The following PDE10A variants were observed in gnomAD, a reference collection of about 807,000 sequenced individuals.
The protein encoded by PDE10A is phosphodiesterase 10A.
Under a neutral mutation model 97.7 loss-of-function variants are expected in PDE10A, and 39 were observed. The ratio of observed to expected loss-of-function variants is 0.40; its 90% CI spans 0.31 to 0.52. The LOEUF (loss-of-function observed/expected upper bound fraction) is 0.52, where lower values mean the gene tolerates loss of function less well. Ranked by LOEUF, PDE10A falls within the 20% of genes least tolerant of loss-of-function variation. The pLI is 0.56. For synonymous variants in PDE10A, 371 were observed against 376.8 expected, an observed-to-expected ratio of 0.98 and a Z score of 0.18; for missense variants, 731 against 1,047.8, an observed-to-expected ratio of 0.70 and a Z score of 4.17.
At chr6:165,925,999 C>T (rs1270824300) in intron 1 of PDE10A, among the ~76,000 whole-genome samples, 1 of 152,160 alleles carries the variant, frequency 6.6e-6, no homozygotes, top group Admixed American at 6.6e-5. Context: ...GTATATGAGG[C>T]TCTGTATTAT....
chr6:165,365,048 A>G (rs905178913), intron 18 of PDE10A, among the ~76,000 whole-genome samples: 9 of 152,108 alleles, frequency 5.9e-5, no homozygotes, highest in Admixed American at 2.0e-4. Flanking sequence ...AAAGCATAAA[A>G]ATAAAAGTTA....
intron 2 of PDE10A, among the ~76,000 whole-genome samples, chr6:165,483,820 T>G (rs1236410678): frequency 6.6e-6 from 1 of 152,224 alleles, no homozygotes; most frequent in East Asian, 1.9e-4. Flanking sequence ...ACAGTGTGAA[T>G]GTCCAGACAT....
chr6:165,551,585 T>C (rs1021386480), intron 1 of PDE10A, among the ~76,000 whole-genome samples: 6 of 152,200 alleles, frequency 3.9e-5, no homozygotes, highest in African/African-American at 1.4e-4. Context: ...CAGTTTTCTA[T>C]TGGCCACAGA....
intron 18 of PDE10A, among the ~76,000 whole-genome samples, chr6:165,344,407 T>A (rs1299360685): frequency 6.6e-6 from 1 of 152,206 alleles, no homozygotes. Context: ...AACAAGGATA[T>A]AAAAGTGTGT....
intron 1 of PDE10A, among the ~76,000 whole-genome samples, chr6:165,657,876 C>A (rs1486780596): frequency 6.6e-6 from 1 of 152,224 alleles, no homozygotes; most frequent in African/African-American, 2.4e-5. Context: ...ACACTCACGT[C>A]CACACCCTGG....
chr6:165,683,884 C>G (rs1220880151), intron 1 of PDE10A, among the ~76,000 whole-genome samples: 1 of 152,174 alleles, frequency 6.6e-6, no homozygotes, highest in South Asian at 2.1e-4. Context: ...CCTAGGAACC[C>G]CCAGGCATCA....
At chr6:165,890,831 A>G (rs1242114824) in intron 1 of PDE10A, among the ~76,000 whole-genome samples, 1 of 152,246 alleles carries the variant, frequency 6.6e-6, no homozygotes, top group African/African-American at 2.4e-5. Context: ...TCAAGTTACA[A>G]AAGAAACAAA....
At chr6:165,669,794 A>G (rs141550732) in intron 1 of PDE10A, among the ~76,000 whole-genome samples, 1 of 152,294 alleles carries the variant, frequency 6.6e-6, no homozygotes, top group East Asian at 1.9e-4. Flanking sequence ...TCCATAATAA[A>G]TCTCAATTTT....
chr6:165,904,875 A>T (rs907902052), intron 1 of PDE10A, among the ~76,000 whole-genome samples: 1 of 152,188 alleles, frequency 6.6e-6, no homozygotes, highest in African/African-American at 2.4e-5. Context: ...GTCACATTCA[A>T]AGACTTTCAC....
chr6:165,482,402 A>G, intron 2 of PDE10A, 59 bp from the exon 3 acceptor site: 2 of 1,250,860 alleles, frequency 1.6e-6, no homozygotes, highest in Non-Finnish European at 2.4e-6. Flanking sequence ...GTTTTAAAAT[A>G]CAAAACATGT....
intron 3 of PDE10A, among the ~76,000 whole-genome samples, chr6:165,463,197 C>T (rs1778428813): frequency 6.6e-6 from 1 of 152,176 alleles, no homozygotes; most frequent in Non-Finnish European, 1.5e-5. Context: ...AAAAATACAG[C>T]AAAAGTTCCT....
chr6:165,566,602 CATGA>C, intron 1 of PDE10A, among the ~76,000 whole-genome samples: 1 of 152,238 alleles, frequency 6.6e-6, no homozygotes, highest in African/African-American at 2.4e-5. Context: ...CACTGCGGAA[CATGA>C]TACCAAGGAG....
At chr6:165,721,039 C>G (rs746809997) in intron 1 of PDE10A, among the ~76,000 whole-genome samples, 1 of 152,086 alleles carries the variant, frequency 6.6e-6, no homozygotes, top group Non-Finnish European at 1.5e-5. Flanking sequence ...GAATGTTACA[C>G]GGAACAGTAA....
At chr6:165,880,532 C>T (rs1217966488) in intron 1 of PDE10A, among the ~76,000 whole-genome samples, 1 of 152,130 alleles carries the variant, frequency 6.6e-6, no homozygotes, top group East Asian at 1.9e-4. Flanking sequence ...CCCTGAACAC[C>T]TCCAGTTTTT....
chr6:165,539,068 T>TATC (rs1274532366), intron 2 of PDE10A, among the ~76,000 whole-genome samples: 1 of 152,194 alleles, frequency 6.6e-6, no homozygotes, highest in Non-Finnish European at 1.5e-5. Context: ...TCTGAGGATG[T>TATC]ATCGGCTTTA....
chr6:165,876,690 C>A lies in PDE10A; in HGVS notation c.-615+110839G>T, dbSNP rs562176659. 5.9e-5 allele frequency among the ~76,000 whole-genome samples: 9 copies of A among 152,306 alleles called. No individual in the cohort carries two copies. The South Asian group carries it at 1.9e-3, about 32-fold the overall frequency. ...TCAGTGGTTAAAAACCTGCAGCCTC[C>A]CAGTTCTCTTTAAGAGTGGCTGCCA... On this transcript the variant is annotated intron_variant, in intron 1 of 19. Transcript: ENST00000366882.
At chr6:165,352,396 G>A (rs1782747466) in intron 18 of PDE10A, among the ~76,000 whole-genome samples, 1 of 152,042 alleles carries the variant, frequency 6.6e-6, no homozygotes. Flanking sequence ...TGGATAGAGA[G>A]AGGCCACTGA....
At chr6:165,782,784 A>G (rs1778378908) in intron 1 of PDE10A, among the ~76,000 whole-genome samples, 1 of 152,222 alleles carries the variant, frequency 6.6e-6, no homozygotes, top group Non-Finnish European at 1.5e-5. Context: ...GCCCTTGCAG[A>G]TGCATGGTGA....
At chr6:165,589,812 C>G (rs1266929004) in intron 1 of PDE10A, among the ~76,000 whole-genome samples, 1 of 151,984 alleles carries the variant, frequency 6.6e-6, no homozygotes, top group Non-Finnish European at 1.5e-5. Context: ...GGTTAAGTAA[C>G]AAGTTAGAAA....
Sources: allele counts gnomAD v4.1 joint callset (sites outside exome capture counted in the v4.1 genomes callset), GRCh38; gene constraint gnomAD v4.1.1; transcripts MANE v1.5; gene names NCBI Gene and HGNC (gene_info 2026-07-23, HGNC 2026-07-21).